The following RUNX2 variants were observed in gnomAD, a reference collection of about 807,000 sequenced individuals.
RUNX2 encodes the protein runt-related transcription factor 2.
Under a neutral mutation model 51.7 loss-of-function variants are expected in RUNX2, and 10 were observed. The ratio of observed to expected loss-of-function variants is 0.19; its 90% CI spans 0.12 to 0.33. The LOEUF (loss-of-function observed/expected upper bound fraction) is 0.33. RUNX2 is among the 10% of genes least tolerant of loss of function. The pLI is 1.00. For missense variants in RUNX2, 562 were observed against 691.3 expected (o/e 0.81, Z 2.10); for synonymous variants, 276 against 273.6 (o/e 1.01, Z -0.09).
intron 2 of RUNX2, among the ~76,000 whole-genome samples, chr6:45,403,624 C>T (rs1797768079): frequency 6.6e-6 from 1 of 152,146 alleles, no homozygotes; most frequent in Admixed American, 6.6e-5. Flanking sequence ...ACCTCTGCCA[C>T]TTTTGATCAT....
At chr6:45,423,157 C>T (rs1798273323) in intron 3 of RUNX2, among the ~76,000 whole-genome samples, 200 bp downstream of exon 3, 1 of 152,102 alleles carries the variant, frequency 6.6e-6, no homozygotes, top group Non-Finnish European at 1.5e-5. Context: ...CAAATCCCTC[C>T]CTCTCCCACC....
intron 2 of RUNX2, among the ~76,000 whole-genome samples, chr6:45,380,119 A>C (rs143313707): frequency 1.3e-5 from 2 of 152,366 alleles, no homozygotes; most frequent in East Asian, 3.9e-4. Context: ...ATTGCTATAT[A>C]CAAAGGGCCA....
At chr6:45,399,328 C>A (rs2150350860) in intron 2 of RUNX2, among the ~76,000 whole-genome samples, 1 of 126,970 alleles carries the variant, frequency 7.9e-6, no homozygotes. Flanking sequence ...TCTCTTCTTT[C>A]TCATTTCTTT....
At chr6:45,491,309 A>G (rs2150406966) in intron 5 of RUNX2, among the ~76,000 whole-genome samples, 1 of 152,346 alleles carries the variant, frequency 6.6e-6, no homozygotes, top group South Asian at 2.1e-4. Context: ...CAGCTTTGGC[A>G]TATCACAAAA....
At chr6:45,484,830 T>C (rs1800219881) in intron 5 of RUNX2, among the ~76,000 whole-genome samples, 1 of 152,234 alleles carries the variant, frequency 6.6e-6, no homozygotes, top group South Asian at 2.1e-4. Context: ...TAGGATAGAT[T>C]AGAAGTGAAG....
chr6:45,389,368 C>G (rs1367000904), intron 2 of RUNX2, among the ~76,000 whole-genome samples: 1 of 152,178 alleles, frequency 6.6e-6, no homozygotes, highest in Non-Finnish European at 1.5e-5. Flanking sequence ...AACAATGAAA[C>G]AGCCAACAGA....
chr6:45,351,075 C>A (rs760150646), intron 2 of RUNX2, among the ~76,000 whole-genome samples: 1 of 152,124 alleles, frequency 6.6e-6, no homozygotes, highest in Non-Finnish European at 1.5e-5. Context: ...CAAAACCATA[C>A]GCCCCATGTC....
In RUNX2 at chr6:45,412,028, T is replaced by G. The variant is rs189446245; in HGVS notation, c.59-10565T>G. Among the ~76,000 whole-genome samples, 263 of 152,156 alleles carry G rather than the reference T, an allele frequency of 1.7e-3. 1 individual carries two copies. Among genetic ancestry groups the G allele is most frequent in the African/African-American group, 6.1e-3 (254 of 41,490 alleles). On this transcript the variant is annotated intron_variant, in intron 2 of 8. Coordinates refer to ENST00000647337, the MANE Select transcript of RUNX2 (RefSeq NM_001024630.4). ...TATCTATGTACATATAAATCTGGTC[T>G]AAATGTTGAGGTAAAAATCCGAATT... is the stretch of plus-strand genomic sequence containing the variant.
chr6:45,458,860 G>A (rs1344568576), intron 5 of RUNX2, among the ~76,000 whole-genome samples: 2 of 152,120 alleles, frequency 1.3e-5, no homozygotes. Context: ...TGGTTTCAGA[G>A]GGCAAATGTT....
chr6:45,419,549 G>A (rs971452332), intron 2 of RUNX2, among the ~76,000 whole-genome samples: 1 of 152,174 alleles, frequency 6.6e-6, no homozygotes, highest in Non-Finnish European at 1.5e-5. Context: ...GTGTAAGGTA[G>A]GACAGCAATG....
At chr6:45,539,579 G>T (rs1349862236) in intron 7 of RUNX2, among the ~76,000 whole-genome samples, 1 of 152,204 alleles carries the variant, frequency 6.6e-6, no homozygotes, top group Non-Finnish European at 1.5e-5. Context: ...TGTGAGGGGA[G>T]AAATTCAGGG....
intron 5 of RUNX2, among the ~76,000 whole-genome samples, chr6:45,463,698 G>A (rs182519494): frequency 5.8e-4 from 88 of 152,018 alleles, no homozygotes; most frequent in African/African-American, 2.0e-3. Context: ...ACTTTTCCCT[G>A]GAAAGAATAG....
chr6:45,544,854 T>G (rs749725559), intron 7 of RUNX2, among the ~76,000 whole-genome samples: 30 of 152,356 alleles, frequency 2.0e-4, no homozygotes, highest in Non-Finnish European at 3.4e-4. Context: ...CTCCCATTTC[T>G]GATTCTGTCA....
intron 2 of RUNX2, among the ~76,000 whole-genome samples, chr6:45,413,905 G>A (rs564061726): frequency 6.6e-6 from 1 of 152,226 alleles, no homozygotes; most frequent in South Asian, 2.1e-4. Context: ...AAATGATGGA[G>A]GCCCTAGCTA....
chr6:45,408,014 A>C lies in RUNX2; in HGVS notation c.59-14579A>C, dbSNP rs534669778. Among the ~76,000 whole-genome samples the C allele has an allele frequency of 9.8e-5, 15 of 152,322 alleles. No individual in the cohort carries two copies. The South Asian group carries it at 1.7e-3, about 17-fold the overall frequency. ...ACCATGGTATAGAATTGATGAAAGAACATAACTACATTATACTTTTTATAA... is the reference window on the plus strand; with the variant it reads ...ACCATGGTATAGAATTGATGAAAGACCATAACTACATTATACTTTTTATAA... On this transcript the variant is annotated intron_variant, in intron 2 of 8. Transcript: ENST00000647337.
At chr6:45,465,212 T>C (rs116099235) in intron 5 of RUNX2, among the ~76,000 whole-genome samples, 33 of 152,342 alleles carry the variant, frequency 2.2e-4, no homozygotes, top group Non-Finnish European at 3.1e-4. Context: ...AGGCATTCCA[T>C]AGATACTCTG....
At chr6:45,389,128 GAACAAA>G (rs1403466016) in intron 2 of RUNX2, among the ~76,000 whole-genome samples, 50 of 152,296 alleles carry the variant, frequency 3.3e-4, no homozygotes, top group Non-Finnish European at 1.5e-5. Flanking sequence ...CCAAGTAAGT[GAACAAA>G]TAGTAAATAA....
intron 5 of RUNX2, among the ~76,000 whole-genome samples, chr6:45,448,542 G>A (rs1398686918): frequency 6.6e-6 from 1 of 152,118 alleles, no homozygotes; most frequent in Non-Finnish European, 1.5e-5. Flanking sequence ...GGTGGATGGG[G>A]TGACTCCAGT....
chr6:45,468,692 A>AT (rs1388340479), intron 5 of RUNX2, among the ~76,000 whole-genome samples: 2 of 152,046 alleles, frequency 1.3e-5, no homozygotes, highest in Non-Finnish European at 2.9e-5. Context: ...TTATAACCAG[A>AT]TTTTTTTTCA....
Sources: allele counts gnomAD v4.1 joint callset (sites outside exome capture counted in the v4.1 genomes callset), GRCh38; gene constraint gnomAD v4.1.1; transcripts MANE v1.5; gene names NCBI Gene and HGNC (gene_info 2026-07-23, HGNC 2026-07-21).